The following MEOX1 variants were observed in gnomAD, a reference collection of about 807,000 sequenced individuals.
MEOX1 encodes mesenchyme homeobox 1, also known as homeobox protein MOX-1.
In MEOX1, 17 loss-of-function variants were observed where a neutral mutation model predicts 23.2. The ratio of observed to expected loss-of-function variants is 0.73; its 90% CI spans 0.50 to 1.10. The LOEUF is 1.10. Ranked by LOEUF, MEOX1 falls within the 50% of genes least tolerant of loss-of-function variation. The pLI is 0.00. For synonymous variants in MEOX1, 134 were observed against 135.1 expected (o/e 0.99, Z 0.06); for missense variants, 333 against 332.2 (o/e 1.00, Z -0.02).
intron 1 of MEOX1, among the ~76,000 whole-genome samples, chr17:43,651,199 G>A (rs1158320103): frequency 6.6e-6 from 1 of 152,078 alleles, no homozygotes; most frequent in Non-Finnish European, 1.5e-5. Context: ...GGTGCCTGTA[G>A]TCCCAGCTAC....
At chr17:43,644,694 T>C (rs953886137) in intron 1 of MEOX1, among the ~76,000 whole-genome samples, 1 of 151,946 alleles carries the variant, frequency 6.6e-6, no homozygotes, top group Non-Finnish European at 1.5e-5. Flanking sequence ...GGCGGGCGGA[T>C]CACGAGGTCA....
chr17:43,656,997 T>TTTCC (rs1973032824), intron 1 of MEOX1, among the ~76,000 whole-genome samples: 1 of 119,690 alleles, frequency 8.4e-6, no homozygotes, highest in African/African-American at 4.5e-5. Context: ...TTTCTTTCTT[T>TTTCC]TTCTTTCTTT....
chr17:43,657,477 G>A (rs768728095), intron 1 of MEOX1, among the ~76,000 whole-genome samples: 2 of 151,838 alleles, frequency 1.3e-5, no homozygotes, highest in Non-Finnish European at 2.9e-5. Flanking sequence ...ATGAGCCACC[G>A]CGCCCGGCCA....
At chr17:43,653,238 C>G (rs76570147) in intron 1 of MEOX1, among the ~76,000 whole-genome samples, 1 of 150,732 alleles carries the variant, frequency 6.6e-6, no homozygotes, top group African/African-American at 2.4e-5. Flanking sequence ...CTCCCTGGTT[C>G]AAGCGATTTT....
chr17:43,642,725 G>C (rs912894447), intron 2 of MEOX1, among the ~76,000 whole-genome samples: 7 of 152,154 alleles, frequency 4.6e-5, no homozygotes, highest in African/African-American at 1.7e-4. Flanking sequence ...AGTGTGCCCA[G>C]GAACCAGCTG....
chr17:43,658,063 G>A (rs11658916), intron 1 of MEOX1, among the ~76,000 whole-genome samples: 36 of 152,228 alleles, frequency 2.4e-4, no homozygotes, highest in Non-Finnish European at 4.3e-4. Context: ...GCAGCCAAAA[G>A]TTGCCGTGCT....
In MEOX1 at chr17:43,661,200, C is replaced by A. The variant is rs1436029267; in HGVS notation, c.335G>T (p.Gly112Val). ...GCTGCTGGTCCCCATTTCCTTGGAA[C>A]CCCCTGCCGGGCCTGAGTTGGGCCT... ...RRRPNSGPAG[G>V]SKEMGTSSLG... Residue 112 changes from glycine (G) to valine (V), a missense_variant, in exon 1 of 3, where the codon GGT (glycine) becomes GTT (valine). Physicochemically the swap from Gly to Val is moderately radical, Grantham distance 109. Coordinates refer to ENST00000318579, the MANE Select transcript of MEOX1 (RefSeq NM_004527.4). 1.9e-6 allele frequency: 3 copies of A among 1,607,596 alleles called. No individual in the cohort carries two copies. Among genetic ancestry groups the A allele is most frequent in the Non-Finnish European group, 2.5e-6 (3 of 1,176,726 alleles).
intron 1 of MEOX1, among the ~76,000 whole-genome samples, chr17:43,658,473 C>T (rs1973080111): frequency 6.7e-6 from 1 of 149,076 alleles, no homozygotes; most frequent in South Asian, 2.1e-4. Flanking sequence ...TGCCACTGCA[C>T]TCCAGCATGG....
Position 43,641,955 on chromosome 17 carries a change from C to A in MEOX1, c.720G>T (p.Gln240His). ...CTGTGGAGTCCCCATCCTCAGGGTC[C>A]TGCCCATTGGGGGAGATGGGCTGAC... ...KGGQPISPNG[Q>H]DPEDGDSTAS... Residue 240 changes from glutamine (Q) to histidine (H), a missense_variant, in exon 3 of 3, where the codon CAG becomes CAT. Physicochemically the swap from Gln to His is conservative, Grantham distance 24. Transcript: ENST00000318579. 6.2e-7 allele frequency: 1 copy of A among 1,614,092 alleles called. No individual in the cohort carries two copies. Among genetic ancestry groups the A allele is most frequent in the Non-Finnish European group, 8.5e-7 (1 of 1,179,984 alleles).
At chr17:43,644,697 C>T (rs1425235286) in intron 1 of MEOX1, among the ~76,000 whole-genome samples, 1 of 151,916 alleles carries the variant, frequency 6.6e-6, no homozygotes, top group Non-Finnish European at 1.5e-5. Context: ...GGGCGGATCA[C>T]GAGGTCAGGA....
In MEOX1 at chr17:43,641,888, C is replaced by CA; in HGVS notation, c.*21dup. The CA allele has an allele frequency of 6.2e-7, 1 of 1,605,564 alleles. No individual in the cohort carries two copies. The highest frequency in any genetic ancestry group is 8.5e-7 in the Non-Finnish European group (1 of 1,176,196). ...TTGGGTAGGGGGCTCAGTCCTTAGT[C>CA]ATTTTTCCTCCATGCAGAATCTCAC... On this transcript the variant is annotated 3_prime_UTR_variant, in exon 3 of 3. Transcript: ENST00000318579.
chr17:43,653,511 C>CT lies in MEOX1; in HGVS notation c.469+7554dup, dbSNP rs558730946. 9.2e-3 allele frequency among the ~76,000 whole-genome samples: 1,267 copies of CT among 137,884 alleles called. 10 individuals carry two copies. Among genetic ancestry groups the CT allele is most frequent in the Admixed American group, 0.013 (176 of 13,600 alleles). The allele number at this position is 137,884 out of a possible 152,430, so 90.5% of individuals were successfully genotyped here. A position where few individuals can be genotyped will look rare whatever the true frequency, so the allele number is the denominator to read the frequency against. ...AGATTCACTCCTAAAACTGCCTCCA[C>CT]TTTTTTTTTTTTTTTTTGAGACAGA... On this transcript the variant is annotated intron_variant, in intron 1 of 2. Transcript: ENST00000318579.
At position 43,661,252 on chromosome 17, in the gene MEOX1, G is replaced by T; in HGVS notation, c.283C>A (p.His95Asn). Residue 95 changes from histidine to asparagine, a missense_variant, in exon 1 of 3, where the codon CAC (histidine) becomes AAC (asparagine). Physicochemically the swap from His to Asn is moderately conservative, Grantham distance 68. Transcript: ENST00000318579. ...CGCCGGGCGTCTGAGACAGGGAAGT[G>T]CCAGTTGGGGGACTGTGGGAAAGCG... ...HPAFPQSPNWHFPVSDARRRP... is the reference protein window; with the variant it reads ...HPAFPQSPNWNFPVSDARRRP... 1.2e-6 allele frequency: 2 copies of T among 1,609,658 alleles called. No homozygotes were observed. The highest frequency in any genetic ancestry group is 2.7e-5 in the African/African-American group (2 of 75,014).
At position 43,661,821 on chromosome 17, in the gene MEOX1, A is replaced by G. The variant is rs1237982996; in HGVS notation, c.-287T>C. 2 of 339,962 alleles carry G rather than the reference A, an allele frequency of 5.9e-6. No homozygotes were observed. Among genetic ancestry groups the G allele is most frequent in the East Asian group, 4.5e-5 (1 of 22,294 alleles). The allele number at this position is 339,962 out of a possible 1,614,324, so 21.1% of individuals were successfully genotyped here. On this transcript the variant is annotated 5_prime_UTR_variant, in exon 1 of 3. Transcript: ENST00000318579. ...ACCTACTGGGATCCCCTGTATGTGT[A>G]TTTGTCGCCAATGACACTAAACATT... is the stretch of plus-strand genomic sequence containing the variant.
In MEOX1 at chr17:43,642,733, C is replaced by G. The variant is rs192650971; in HGVS notation, c.643-701G>C. ...TTCTCAAAGTGTGCCCAGGAACCAG[C>G]TGCATATCCAGATCACCTGGAGAAT... On this transcript the variant is annotated intron_variant, in intron 2 of 2. Coordinates refer to ENST00000318579, the MANE Select transcript of MEOX1 (RefSeq NM_004527.4). Among the ~76,000 whole-genome samples the G allele has an allele frequency of 6.6e-5, 10 of 152,268 alleles. No individual in the cohort carries two copies. The East Asian group carries it at 1.5e-3, about 23-fold the overall frequency.
intron 1 of MEOX1, among the ~76,000 whole-genome samples, chr17:43,655,703 C>G (rs777512129): frequency 7.6e-5 from 11 of 145,152 alleles, no homozygotes; most frequent in Non-Finnish European, 1.7e-4. Flanking sequence ...AATCCTGTCA[C>G]TTGCTACAAC....
At chr17:43,649,290 C>CTTT (rs10694288) in intron 1 of MEOX1, among the ~76,000 whole-genome samples, 9,373 of 86,178 alleles carry the variant, frequency 0.11, 833 homozygotes, top group South Asian at 0.15. Flanking sequence ...GGCCTTTCAG[C>CTTT]TTTTTTTTTT....
chr17:43,655,299 C>T (rs1438200522), intron 1 of MEOX1, among the ~76,000 whole-genome samples: 2 of 151,516 alleles, frequency 1.3e-5, no homozygotes, highest in African/African-American at 4.9e-5. Context: ...GGTGAAACCC[C>T]GTCTCTATTA....
chr17:43,659,840 A>T (rs1973106166), intron 1 of MEOX1, among the ~76,000 whole-genome samples: 1 of 152,220 alleles, frequency 6.6e-6, no homozygotes, highest in African/African-American at 2.4e-5. Flanking sequence ...CACTGCTGAC[A>T]CACCTCTGCA....
Sources: gnomAD v4.1 joint callset for allele counts (sites outside exome capture counted in the v4.1 genomes callset) on GRCh38, gnomAD v4.1.1 for gene constraint, MANE v1.5 for transcripts, NCBI Gene and HGNC (gene_info 2026-07-23, HGNC 2026-07-21) for gene names.